The following EPX variants were observed in gnomAD, a reference collection of about 807,000 sequenced individuals.
EPX encodes the protein eosinophil peroxidase.
EPX carries 60 observed loss-of-function variants against 73.0 expected under a neutral mutation model. The ratio of observed to expected loss-of-function variants is 0.82; its 90% CI spans 0.67 to 1.02. The LOEUF (loss-of-function observed/expected upper bound fraction) is 1.02. EPX is among the 50% of genes least tolerant of loss of function. EPX has a pLI of 0.00. For synonymous variants in EPX, 347 were observed against 389.2 expected, an observed-to-expected ratio of 0.89 and a Z score of 1.28; for missense variants, 950 against 973.9, an observed-to-expected ratio of 0.98 and a Z score of 0.33.
rs35750729 is a variant in EPX, at chr17:58,199,579, A to C, written c.1322A>C (p.Lys441Thr). Residue 441 changes from lysine (K) to threonine (T), a missense_variant, in exon 9 of 13, where the codon AAG becomes ACG. By Grantham distance (78) the Lys-to-Thr change is moderately conservative (BLOSUM62 -1). Transcript: ENST00000225371. ...YRDFLPLVLG[K>T]ARARRTLGHY... is the part of the protein sequence containing the mutation. ...GACTTTCTGCCCCTGGTTCTGGGCA[A>C]GGCCCGGGCCAGGAGAACCCTGGGG... 56,615 of 1,613,954 alleles carry C rather than the reference A, an allele frequency of 0.035. 1,857 individuals are homozygous for C. Among genetic ancestry groups the C allele is most frequent in the African/African-American group, 0.17 (13,044 of 74,932 alleles).
intron 9 of EPX, 53 bp downstream of exon 9, chr17:58,199,847 C>T: frequency 6.3e-7 from 1 of 1,586,328 alleles, no homozygotes; most frequent in South Asian, 1.1e-5. Flanking sequence ...AGCATGCCCT[C>T]CCCTAGGTGG....
rs1555595244 is a variant in EPX at position 58,200,243 on chromosome 17, T to G, written c.1556T>G (p.Leu519Arg). 13 of 1,614,132 alleles carry G rather than the reference T, an allele frequency of 8.1e-6. No homozygotes were observed. In the South Asian group the frequency reaches 1.4e-4, roughly 18 times the overall value. The change falls in exon 10 of 13, where the codon CTC (leucine) becomes CGC (arginine). Residue 519 changes from leucine (L) to arginine (R), a missense_variant. Leu to Arg is a moderately radical substitution (Grantham distance 102). Transcript: ENST00000225371. Reference sequence around the variant, plus strand: ...CCACCAGGGGGCATCGACCCCATCCTCCGGGGCCTCATGGCCACCCCTGCC... The same window carrying G: ...CCACCAGGGGGCATCGACCCCATCCGCCGGGGCCTCATGGCCACCCCTGCC... The part of the protein sequence containing the change: ...IVYEGGIDPI[L>R]RGLMATPAKL...
chr17:58,200,385 C>T lies in EPX; in HGVS notation c.1698C>T (p.His566=), dbSNP rs779165021. The change falls in exon 10 of 13, where the codon CAC becomes CAT. Residue 566 remains histidine (H), a synonymous_variant. Coordinates refer to ENST00000225371, the MANE Select transcript of EPX (RefSeq NM_000502.6). ...AALNMQRSRD[H]GLPGYNAWRR... is the part of the protein sequence containing the mutation. ...TCAACATGCAACGAAGCCGGGACCA[C>T]GGCCTTCCAGGTGAGGGGGCTGTCC... 1.7e-5 allele frequency: 28 copies of T among 1,614,020 alleles called. No individual in the cohort carries two copies. The highest frequency in any genetic ancestry group is 1.6e-4 in the Middle Eastern group (1 of 6,084).
chr17:58,196,831 C>T, intron 6 of EPX, 108 bp from the exon 7 acceptor site: 5 of 882,506 alleles, frequency 5.7e-6, no homozygotes, highest in Non-Finnish European at 9.4e-6. Flanking sequence ...GGAGGGCTTC[C>T]TGGAGGAAGG....
chr17:58,199,294 TG>T, intron 8 of EPX, 94 bp downstream of exon 8: 1 of 1,402,600 alleles, frequency 7.1e-7, no homozygotes. Flanking sequence ...TAAAACCAGC[TG>T]GGTCTGGGCA....
chr17:58,202,757 T>C (rs1461667308), intron 10 of EPX: 4 of 381,206 alleles, frequency 1.0e-5, no homozygotes, highest in Non-Finnish European at 2.0e-5. Context: ...GGTACTGTCT[T>C]ACTTGTGTCT....
chr17:58,197,747 A>G (rs1345539864), intron 7 of EPX, among the ~76,000 whole-genome samples: 1 of 152,178 alleles, frequency 6.6e-6, no homozygotes, highest in Admixed American at 6.5e-5. Flanking sequence ...CTCTTCTGGA[A>G]GCATAATTTG....
In EPX at chr17:58,204,435, G is replaced by T; in HGVS notation, c.*11+1G>T. The T allele has an allele frequency of 1.2e-6, 2 of 1,602,918 alleles. No homozygotes were observed. The highest frequency in any genetic ancestry group is 1.7e-6 in the Non-Finnish European group (2 of 1,170,062). ...GGCGAGGGACATGAGGCTTCTGCAG[G>T]TAAGGGGAGGCCACCTCCAGCACCC... On this transcript the variant is annotated splice_donor_variant, in intron 12 of 12. Coordinates refer to ENST00000225371, the MANE Select transcript of EPX (RefSeq NM_000502.6). LOFTEE classifies it low-confidence loss of function (3UTR_SPLICE).
At chr17:58,204,475 C>G (rs763462989) in intron 12 of EPX, 41 bp downstream of exon 12, 6 of 1,249,748 alleles carry the variant, frequency 4.8e-6, no homozygotes, top group Non-Finnish European at 7.0e-6. Context: ...CTGGGTTAAG[C>G]CCTCACATCC....
intron 6 of EPX, 99 bp from the exon 7 acceptor site, chr17:58,196,840 G>C: frequency 1.1e-6 from 1 of 945,410 alleles, no homozygotes; most frequent in East Asian, 2.4e-5. Flanking sequence ...CCTGGAGGAA[G>C]GGAGTTTTAA....
chr17:58,196,726 GC>G (rs1039959251), intron 6 of EPX, among the ~76,000 whole-genome samples: 5 of 152,088 alleles, frequency 3.3e-5, no homozygotes, highest in Non-Finnish European at 5.9e-5. Flanking sequence ...TGTTTCAAAA[GC>G]CTCATTCATT....
At chr17:58,195,396 T>C (rs35223829) in intron 6 of EPX, among the ~76,000 whole-genome samples, 15,168 of 152,210 alleles carry the variant, frequency 0.1, 796 homozygotes, top group South Asian at 0.12. Context: ...TCAGGCTTCA[T>C]GGAGTGGGAA....
chr17:58,194,162 G>C, intron 5 of EPX, 70 bp downstream of exon 5: 1 of 1,528,398 alleles, frequency 6.5e-7, no homozygotes, highest in South Asian at 1.1e-5. Flanking sequence ...ACAGCCCAGA[G>C]TCACGCAGGC....
intron 5 of EPX, among the ~76,000 whole-genome samples, chr17:58,194,459 T>A (rs189706976): frequency 1.2e-4 from 19 of 152,350 alleles, no homozygotes; most frequent in Admixed American, 1.2e-3. Flanking sequence ...CTATTTCACA[T>A]TTATCAACTC....
intron 6 of EPX, among the ~76,000 whole-genome samples, chr17:58,196,047 C>CTT (rs1192777714): frequency 7.2e-6 from 1 of 138,832 alleles, no homozygotes; most frequent in African/African-American, 2.7e-5. Context: ...CTTTCTTTTT[C>CTT]TTTCTTTTTC....
rs753299285 is a variant in EPX, at chr17:58,193,068, T to A, written c.107T>A (p.Leu36Gln). ...CCTGGGGCAGTGGAGACCTCGGTCC[T>A]GCGAGACTGCATAGCAGAGGCCAAG... ...ASPGAVETSV[L>Q]RDCIAEAKLL... The change falls in exon 2 of 13, where the codon CTG becomes CAG. Residue 36 changes from leucine to glutamine, a missense_variant. Leu to Gln is a moderately radical substitution (Grantham distance 113). Coordinates refer to ENST00000225371, the MANE Select transcript of EPX (RefSeq NM_000502.6). The A allele has an allele frequency of 3.1e-6, 5 of 1,613,470 alleles. No homozygotes were observed. Among genetic ancestry groups the A allele is most frequent in the Non-Finnish European group, 4.2e-6 (5 of 1,179,406 alleles).
chr17:58,200,128 G>C, intron 9 of EPX, 97 bp from the exon 10 acceptor site: 1 of 1,196,904 alleles, frequency 8.4e-7, no homozygotes, highest in Admixed American at 1.7e-5. Context: ...TACCCGACTG[G>C]CTTGTCCAGC....
In EPX at chr17:58,194,962, A is replaced by G. The variant is rs1305689535; in HGVS notation, c.595-2A>G. 1 of 1,613,080 alleles carries G rather than the reference A, an allele frequency of 6.2e-7. No individual in the cohort carries two copies. Among genetic ancestry groups the G allele is most frequent in the South Asian group, 1.1e-5 (1 of 91,004 alleles). On this transcript the variant is annotated splice_acceptor_variant, in intron 5 of 12. Coordinates refer to ENST00000225371, the MANE Select transcript of EPX (RefSeq NM_000502.6). LOFTEE classifies it high-confidence loss of function. ...CCCGTGCTGATGTTATTTCCCCACCAGGTCCGGGCTGTCTCCAACCAGATT... is the reference window on the plus strand; with the variant it reads ...CCCGTGCTGATGTTATTTCCCCACCGGGTCCGGGCTGTCTCCAACCAGATT...
intron 10 of EPX, among the ~76,000 whole-genome samples, chr17:58,201,424 AAG>A (rs2143717425): frequency 6.6e-6 from 1 of 152,126 alleles, no homozygotes; most frequent in African/African-American, 2.4e-5. Flanking sequence ...GAAAGACACA[AAG>A]AGAGAGGGCG....
Sources: gnomAD v4.1 joint callset for allele counts (sites outside exome capture counted in the v4.1 genomes callset) on GRCh38, gnomAD v4.1.1 for gene constraint, MANE v1.5 for transcripts, NCBI Gene and HGNC (gene_info 2026-07-23, HGNC 2026-07-21) for gene names.